INSL3: variants seen among roughly 807,000 people sequenced by gnomAD.
INSL3 encodes insulin-like 3.
Under a neutral mutation model 5.5 loss-of-function variants are expected in INSL3, and 6 were observed. The ratio of observed to expected loss-of-function variants is 1.08; its 90% CI spans 0.59 to 2.14. The LOEUF is 2.14. Ranked by LOEUF, INSL3 falls within the 30% of genes most tolerant of loss-of-function variation. The pLI is 0.00. For synonymous variants in INSL3, 86 were observed against 82.1 expected (o/e 1.05, Z -0.26); for missense variants, 178 against 184.7 (o/e 0.96, Z 0.21).
At chr19:17,821,172 C>G (rs1054018531) in intron 1 of INSL3, 145 bp downstream of exon 1, 3 of 977,786 alleles carry the variant, frequency 3.1e-6, no homozygotes, top group Admixed American at 2.1e-5. Flanking sequence ...CAGTGCGGAC[C>G]CACGATCTGT....
Position 17,821,300 on chromosome 19 carries a change from T to TG in INSL3, c.190+16dup. On this transcript the variant is annotated intron_variant, in intron 1 of 1. Transcript: ENST00000317306. ...CCTCGGCTTCCCAGAGCGCTGTCCC[T>TG]GCCCGTCCCCACTCACGGTCGCCTC... 1 of 1,544,292 alleles carries TG rather than the reference T, an allele frequency of 6.5e-7. No homozygotes were observed. Among genetic ancestry groups the TG allele is most frequent in the Non-Finnish European group, 8.7e-7 (1 of 1,146,538 alleles).
chr19:17,817,880 A>T (rs186392318), intron 1 of INSL3, among the ~76,000 whole-genome samples: 1 of 149,494 alleles, frequency 6.7e-6, no homozygotes, highest in African/African-American at 2.5e-5. Context: ...CATCCACTCA[A>T]CTCATGTCCA....
At chr19:17,817,484 CAA>C (rs35282432) in intron 1 of INSL3, among the ~76,000 whole-genome samples, 1,482 of 78,014 alleles carry the variant, frequency 0.019, 34 homozygotes, top group African/African-American at 0.064. Flanking sequence ...GACTCTGTCT[CAA>C]AAAAAAAAAA....
At chr19:17,820,414 T>C (rs1444121769) in intron 1 of INSL3, 1 of 392,176 alleles carries the variant, frequency 2.5e-6, no homozygotes, top group Non-Finnish European at 5.0e-6. Flanking sequence ...TCCCAACACT[T>C]TGGAAGGTCA....
At chr19:17,819,837 A>T (rs1240698711) in intron 1 of INSL3, among the ~76,000 whole-genome samples, 1 of 151,646 alleles carries the variant, frequency 6.6e-6, no homozygotes, top group East Asian at 1.9e-4. Context: ...GCGAGACTCA[A>T]TGTCAAAACA....
Position 17,821,514 on chromosome 19 carries a change from G to A in INSL3, c.-8C>T. On this transcript the variant is annotated 5_prime_UTR_variant, in exon 1 of 2. Transcript: ENST00000317306. ...GGGCAGACGGGGGTCCATGGTGGTG[G>A]GTGGCGCCGGGGCCAAGCGGGGACC... is the stretch of plus-strand genomic sequence containing the variant. 2 of 1,468,952 alleles carry A rather than the reference G, an allele frequency of 1.4e-6. No individual in the cohort carries two copies. Among genetic ancestry groups the A allele is most frequent in the South Asian group, 1.4e-5 (1 of 72,014 alleles). The allele number at this position is 1,468,952 out of a possible 1,614,324, so 91.0% of individuals were successfully genotyped here.
intron 1 of INSL3, among the ~76,000 whole-genome samples, chr19:17,818,413 C>A (rs1320337792): frequency 1.3e-5 from 2 of 152,094 alleles, no homozygotes; most frequent in East Asian, 1.9e-4. Context: ...CCCAGGAGTT[C>A]ATGACCAGCC....
At chr19:17,819,304 G>A (rs1211679506) in intron 1 of INSL3, among the ~76,000 whole-genome samples, 1 of 151,534 alleles carries the variant, frequency 6.6e-6, no homozygotes, top group African/African-American at 2.4e-5. Context: ...TCTGTCTCAG[G>A]CTGAGTCTCA....
chr19:17,817,893 C>T lies in INSL3; in HGVS notation c.191-834G>A, dbSNP rs1315168578. 2.0e-5 allele frequency among the ~76,000 whole-genome samples: 3 copies of T among 151,324 alleles called. No homozygotes were observed. In the East Asian group the frequency reaches 5.8e-4, roughly 29 times the overall value. On this transcript the variant is annotated intron_variant, in intron 1 of 1. Coordinates refer to ENST00000317306, the MANE Select transcript of INSL3 (RefSeq NM_005543.4). Reference sequence around the variant, plus strand: ...CTCATCCACTCAACTCATGTCCACACTCACATCCCCAGCTGCGTGGGTCCC... The same window carrying T: ...CTCATCCACTCAACTCATGTCCACATTCACATCCCCAGCTGCGTGGGTCCC...
intron 1 of INSL3, chr19:17,820,273 G>T: frequency 3.4e-6 from 1 of 294,214 alleles, no homozygotes; most frequent in South Asian, 3.0e-5. Flanking sequence ...GACAGAGCGA[G>T]GCTATGTCTC....
At position 17,821,430 on chromosome 19, in the gene INSL3, G is replaced by T. The variant is rs1304869842; in HGVS notation, c.77C>A (p.Thr26Asn). 3.9e-6 allele frequency: 6 copies of T among 1,546,642 alleles called. No individual in the cohort carries two copies. The highest frequency in any genetic ancestry group is 5.2e-6 in the Non-Finnish European group (6 of 1,144,524). ...GCACAACTTCTCACGCATCTCTGGGGTGGGCGCGGGGCCCAACGCGAACAC... is the reference window on the plus strand; with the variant it reads ...GCACAACTTCTCACGCATCTCTGGGTTGGGCGCGGGGCCCAACGCGAACAC... The part of the protein sequence containing the change: ...ALVFALGPAP[T>N]PEMREKLCGH... Residue 26 changes from threonine to asparagine, a missense_variant, in exon 1 of 2, where the codon ACC (threonine) becomes AAC (asparagine). Thr to Asn is a moderately conservative substitution (Grantham distance 65, BLOSUM62 0). Coordinates refer to ENST00000317306, the MANE Select transcript of INSL3 (RefSeq NM_005543.4).
intron 1 of INSL3, among the ~76,000 whole-genome samples, chr19:17,818,528 A>G (rs763880684): frequency 2.9e-4 from 44 of 152,126 alleles, no homozygotes; most frequent in Admixed American, 5.2e-4. Context: ...AGGTGGGAGG[A>G]TCGCTTGAGC....
intron 1 of INSL3, among the ~76,000 whole-genome samples, chr19:17,817,795 CAAAAAA>C (rs58956953): frequency 2.2e-4 from 9 of 40,316 alleles, no homozygotes; most frequent in Admixed American, 3.9e-4. Context: ...AACTCCATCT[CAAAAAA>C]AAAAAAAAAA....
chr19:17,819,215 T>C (rs1049999340), intron 1 of INSL3, among the ~76,000 whole-genome samples: 7 of 148,330 alleles, frequency 4.7e-5, no homozygotes, highest in Admixed American at 2.7e-4. Flanking sequence ...GCCTGGGTGA[T>C]AGAGTGAGAC....
Position 17,816,718 on chromosome 19 carries a change from A to T in INSL3, c.*136T>A. 1.3e-6 allele frequency: 1 copy of T among 779,364 alleles called. No homozygotes were observed. The highest frequency in any genetic ancestry group is 2.2e-6 in the Non-Finnish European group (1 of 462,778). 48.3% of individuals were successfully genotyped at this position (779,364 alleles called of 1,614,324 possible). A position where few individuals can be genotyped will look rare whatever the true frequency, so the allele number is the denominator to read the frequency against. ...GCTGCAGGTGGCATTGGTCTGGGGTAGATAGTGAGCACCCATCCCAGGAGG... is the reference window on the plus strand; with the variant it reads ...GCTGCAGGTGGCATTGGTCTGGGGTTGATAGTGAGCACCCATCCCAGGAGG... On this transcript the variant is annotated 3_prime_UTR_variant, in exon 2 of 2. Coordinates refer to ENST00000317306, the MANE Select transcript of INSL3 (RefSeq NM_005543.4).
In INSL3 at chr19:17,816,583, G is replaced by A. The variant is rs1249279480; in HGVS notation, c.*271C>T. The A allele has an allele frequency of 7.4e-6, 4 of 540,776 alleles. No individual in the cohort carries two copies. The highest frequency in any genetic ancestry group is 1.9e-5 in the African/African-American group (1 of 52,700). 33.5% of individuals were successfully genotyped at this position (540,776 alleles called of 1,614,324 possible). A position where few individuals can be genotyped will look rare whatever the true frequency, so the allele number is the denominator to read the frequency against. ...TACACATGCAGGGAGCGGAGCGTCT[G>A]GGGCTCCCCTGGAGTGAGGACATTT... On this transcript the variant is annotated 3_prime_UTR_variant, in exon 2 of 2. Transcript: ENST00000317306.
intron 1 of INSL3, among the ~76,000 whole-genome samples, chr19:17,820,098 G>A (rs959642483): frequency 1.1e-4 from 17 of 151,946 alleles, no homozygotes; most frequent in African/African-American, 4.1e-4. Context: ...GTGACAGAGC[G>A]AGACTCCATC....
intron 1 of INSL3, among the ~76,000 whole-genome samples, chr19:17,820,894 A>T (rs2094194571): frequency 6.6e-6 from 1 of 150,826 alleles, no homozygotes; most frequent in Non-Finnish European, 1.5e-5. Flanking sequence ...GCCCACTGCA[A>T]CCTCTGCCTT....
intron 1 of INSL3, among the ~76,000 whole-genome samples, chr19:17,817,652 A>G (rs1472127234): frequency 1.4e-5 from 2 of 146,134 alleles, no homozygotes; most frequent in African/African-American, 5.1e-5. Flanking sequence ...AAAATTAGTC[A>G]GGCGTGGTGG....
Sources: allele counts gnomAD v4.1 joint callset (sites outside exome capture counted in the v4.1 genomes callset), GRCh38; gene constraint gnomAD v4.1.1; transcripts MANE v1.5; gene names NCBI Gene and HGNC (gene_info 2026-07-23, HGNC 2026-07-21).